AXDND1: variants seen among roughly 807,000 people sequenced by gnomAD.
The protein encoded by AXDND1 is axonemal dynein light chain domain-containing protein 1.
Under a neutral mutation model 137.5 loss-of-function variants are expected in AXDND1, and 110 were observed. The observed-to-expected ratio is 0.80, with a 90% CI of 0.69 to 0.94. AXDND1 has a LOEUF of 0.94. Ranked by LOEUF, AXDND1 falls within the 40% of genes least tolerant of loss-of-function variation. AXDND1 has a pLI of 0.00. For synonymous variants in AXDND1, 414 were observed against 399.7 expected, an observed-to-expected ratio of 1.04 and a Z score of -0.43; for missense variants, 1,191 against 1,169.8, an observed-to-expected ratio of 1.02 and a Z score of -0.26.
rs762092167 is a variant in AXDND1 at position 179,483,100 on chromosome 1, C to T, written c.1998-28C>T. ...ATTTATCCTTTAAATCAGCCAGTCA[C>T]TTTTATTTTACTTGATTTTTCCTTC... is the stretch of plus-strand genomic sequence containing the variant. On this transcript the variant is annotated intron_variant, in intron 17 of 25. Transcript: ENST00000367618. The T allele has an allele frequency of 4.1e-6, 6 of 1,455,824 alleles. No individual in the cohort carries two copies. In the East Asian group the frequency reaches 1.4e-4, roughly 34 times the overall value. 90.2% of individuals were successfully genotyped at this position (1,455,824 alleles called of 1,614,324 possible).
intron 12 of AXDND1, among the ~76,000 whole-genome samples, chr1:179,420,662 C>T (rs570868820): frequency 6.0e-5 from 9 of 150,174 alleles, no homozygotes; most frequent in African/African-American, 2.2e-4. Flanking sequence ...TTCCATTTTC[C>T]CCCTGGCTGG....
At chr1:179,544,181 G>A (rs540557710) in intron 25 of AXDND1, 2 of 152,236 alleles carry the variant, frequency 1.3e-5, no homozygotes, top group Admixed American at 1.3e-4. Context: ...AAGTCACAGC[G>A]ATGGCTGTAG....
chr1:179,386,968 T>C (rs1319662356), intron 9 of AXDND1, among the ~76,000 whole-genome samples: 1 of 152,090 alleles, frequency 6.6e-6, no homozygotes, highest in Non-Finnish European at 1.5e-5. Flanking sequence ...TCAGACATTT[T>C]TGCTTTCATC....
intron 20 of AXDND1, among the ~76,000 whole-genome samples, chr1:179,502,801 A>G (rs1320932206): frequency 6.6e-6 from 1 of 151,792 alleles, no homozygotes; most frequent in Non-Finnish European, 1.5e-5. Context: ...AGAGACATAC[A>G]TAAGAACATT....
In AXDND1 at chr1:179,379,422, T is replaced by A; in HGVS notation, c.521T>A (p.Ile174Asn). The A allele has an allele frequency of 1.2e-6, 2 of 1,613,820 alleles. No homozygotes were observed. Among genetic ancestry groups the A allele is most frequent in the Non-Finnish European group, 1.7e-6 (2 of 1,179,792 alleles). The change falls in exon 6 of 26, where the codon ATT becomes AAT. Residue 174 changes from isoleucine (I) to asparagine (N), a missense_variant. By Grantham distance (149) the Ile-to-Asn change is moderately radical. Transcript: ENST00000367618. The part of the protein sequence containing the change: ...HKPKTLTDTL[I>N]PEEFHIVSST... Reference sequence around the variant, plus strand: ...CCAAAGACACTAACAGATACTTTGATTCCTGAAGAATTTCATATTGTGTCA... The same window carrying A: ...CCAAAGACACTAACAGATACTTTGAATCCTGAAGAATTTCATATTGTGTCA...
intron 9 of AXDND1, among the ~76,000 whole-genome samples, chr1:179,392,105 T>C (rs781329928): frequency 2.6e-5 from 4 of 152,208 alleles, no homozygotes; most frequent in Admixed American, 6.5e-5. Context: ...ACCAAATATG[T>C]AGTCTTTATT....
chr1:179,434,896 C>A (rs1401897743), intron 15 of AXDND1, among the ~76,000 whole-genome samples: 2 of 152,084 alleles, frequency 1.3e-5, no homozygotes, highest in Non-Finnish European at 2.9e-5. Flanking sequence ...GGGTAGAGGT[C>A]AAATTATCTC....
chr1:179,469,980 C>A (rs539701131), intron 17 of AXDND1, among the ~76,000 whole-genome samples: 66 of 152,194 alleles, frequency 4.3e-4, no homozygotes, highest in African/African-American at 1.5e-3. Flanking sequence ...GGTCTCTGAT[C>A]CATTTTAGTT....
intron 22 of AXDND1, among the ~76,000 whole-genome samples, chr1:179,526,633 C>T (rs986079511): frequency 6.6e-6 from 1 of 152,202 alleles, no homozygotes; most frequent in African/African-American, 2.4e-5. Context: ...ACTCCAGGCT[C>T]TGAAATAGGT....
chr1:179,378,127 C>A (rs544527082), intron 4 of AXDND1, among the ~76,000 whole-genome samples: 1 of 152,052 alleles, frequency 6.6e-6, no homozygotes, highest in African/African-American at 2.4e-5. Context: ...TGAGATTTTG[C>A]GCCATTGCAC....
intron 21 of AXDND1, among the ~76,000 whole-genome samples, chr1:179,521,393 C>G (rs1028791355): frequency 6.6e-6 from 1 of 152,084 alleles, no homozygotes; most frequent in Non-Finnish European, 1.5e-5. Flanking sequence ...ATCAAATCAC[C>G]TACAAATAGG....
chr1:179,534,212 T>A (rs1252499043), intron 24 of AXDND1, among the ~76,000 whole-genome samples: 1 of 152,192 alleles, frequency 6.6e-6, no homozygotes, highest in Non-Finnish European at 1.5e-5. Flanking sequence ...GGAAAGAATG[T>A]TACATAACTC....
At chr1:179,382,327 C>T (rs573129647) in intron 6 of AXDND1, among the ~76,000 whole-genome samples, 4 of 152,036 alleles carry the variant, frequency 2.6e-5, no homozygotes, top group South Asian at 2.1e-4. Context: ...GTGATCTGCC[C>T]GCCTCAGCCT....
intron 20 of AXDND1, among the ~76,000 whole-genome samples, chr1:179,501,130 TCA>T (rs779631548): frequency 4.6e-5 from 7 of 152,216 alleles, no homozygotes; most frequent in Non-Finnish European, 8.8e-5. Context: ...AATCTAGGTG[TCA>T]CAATCAAGTT....
intron 16 of AXDND1, chr1:179,451,577 C>T (rs575586918): frequency 6.6e-6 from 1 of 152,104 alleles, no homozygotes; most frequent in South Asian, 2.1e-4. Flanking sequence ...TGGCTGTGTC[C>T]CCACCCAAAT....
chr1:179,425,804 G>A (rs1287784349), intron 12 of AXDND1, among the ~76,000 whole-genome samples: 2 of 150,010 alleles, frequency 1.3e-5, no homozygotes, highest in African/African-American at 4.9e-5. Flanking sequence ...ATGTGTGTGT[G>A]TGTGTGTGTA....
rs1281006560 is a variant in AXDND1, at chr1:179,429,670, G to A, written c.1332+51G>A. ...GGGAAAAAAAGATGCCAAGTGGTGA[G>A]GGTTGAGACTGTAAGATGCCTTTGT... On this transcript the variant is annotated intron_variant, in intron 13 of 25. Coordinates refer to ENST00000367618, the MANE Select transcript of AXDND1 (RefSeq NM_144696.6). The A allele has an allele frequency of 5.5e-6, 6 of 1,081,126 alleles. No individual in the cohort carries two copies. In the African/African-American group the frequency reaches 9.8e-5, roughly 18 times the overall value. 67.0% of individuals were successfully genotyped at this position (1,081,126 alleles called of 1,614,324 possible). A position where few individuals can be genotyped will look rare whatever the true frequency, so the allele number is the denominator to read the frequency against.
chr1:179,488,634 C>CCTTT (rs57848949), intron 18 of AXDND1, among the ~76,000 whole-genome samples: 2,221 of 104,962 alleles, frequency 0.021, 69 homozygotes, highest in Middle Eastern at 0.047. Context: ...CTCTCTCTCT[C>CCTTT]CTTTCTTTCT....
Position 179,373,266 on chromosome 1 carries a change from C to A in AXDND1, c.374+3188C>A, listed in dbSNP as rs549674399. On this transcript the variant is annotated intron_variant, in intron 4 of 25. Transcript: ENST00000367618. ...ATAAAATACCTAGGAATCCAACTTA[C>A]AAGGAATGTGAAGGACCTCTTCAAG... 6.6e-5 allele frequency among the ~76,000 whole-genome samples: 10 copies of A among 152,278 alleles called. No homozygotes were observed. The South Asian group carries it at 1.4e-3, about 22-fold the overall frequency.
Sources: gnomAD v4.1 joint callset for allele counts (sites outside exome capture counted in the v4.1 genomes callset) on GRCh38, gnomAD v4.1.1 for gene constraint, MANE v1.5 for transcripts, NCBI Gene and HGNC (gene_info 2026-07-23, HGNC 2026-07-21) for gene names.